The following AGPS variants were observed in gnomAD, a reference collection of about 807,000 sequenced individuals.
AGPS encodes alkyldihydroxyacetonephosphate synthase, peroxisomal.
Under a neutral mutation model 90.7 loss-of-function variants are expected in AGPS, and 26 were observed. That is an observed-to-expected ratio of 0.29 (90% CI 0.21 to 0.40). The LOEUF is 0.40. Ranked by LOEUF, AGPS falls within the 10% of genes least tolerant of loss-of-function variation. The pLI is 1.00. For missense variants in AGPS, 540 were observed against 816.1 expected, an observed-to-expected ratio of 0.66 and a Z score of 4.12; for synonymous variants, 294 against 285.3, an observed-to-expected ratio of 1.03 and a Z score of -0.31.
intron 8 of AGPS, among the ~76,000 whole-genome samples, chr2:177,458,092 A>G (rs1687172941): frequency 6.6e-6 from 1 of 152,224 alleles, no homozygotes; most frequent in Admixed American, 6.5e-5. Context: ...CACAAACCAC[A>G]TGATAATCTC....
chr2:177,486,077 G>C (rs982654908), intron 11 of AGPS, among the ~76,000 whole-genome samples: 2 of 152,168 alleles, frequency 1.3e-5, no homozygotes, highest in Non-Finnish European at 1.5e-5. Flanking sequence ...CTTAATAATT[G>C]ACAGTTTTTA....
chr2:177,527,176 C>T (rs1028825533), intron 19 of AGPS, among the ~76,000 whole-genome samples: 4 of 152,014 alleles, frequency 2.6e-5, no homozygotes, highest in African/African-American at 9.7e-5. Flanking sequence ...ACCTGTAATC[C>T]CAACACTTTG....
intron 1 of AGPS, among the ~76,000 whole-genome samples, chr2:177,413,669 C>T (rs1490278005): frequency 6.6e-6 from 1 of 152,200 alleles, no homozygotes; most frequent in Non-Finnish European, 1.5e-5. Context: ...TTTGCTATGA[C>T]AACCTCCTGA....
intron 3 of AGPS, 89 bp downstream of exon 3, chr2:177,434,506 G>T: frequency 1.0e-6 from 1 of 987,300 alleles, no homozygotes; most frequent in South Asian, 1.4e-5. Context: ...CATTATATTG[G>T]ATTTACTGCA....
In AGPS at chr2:177,540,481, C is replaced by A. The variant is rs1437756877; in HGVS notation, c.*2286C>A. 1 of 152,188 alleles carries A rather than the reference C, an allele frequency of 6.6e-6. No homozygotes were observed. The highest frequency in any genetic ancestry group is 1.9e-4 in the East Asian group (1 of 5,188). 9.4% of individuals were successfully genotyped at this position (152,188 alleles called of 1,614,324 possible). On this transcript the variant is annotated 3_prime_UTR_variant, in exon 20 of 20. Transcript: ENST00000264167. ...AGAAAGCCTCCCCCTACCCCCAGCC[C>A]CCACTTTCACATACCTTCTGGGAGG...
chr2:177,482,112 T>C lies in AGPS; in HGVS notation c.1159T>C (p.Tyr387His), dbSNP rs1340948281. The C allele has an allele frequency of 6.2e-7, 1 of 1,606,414 alleles. No individual in the cohort carries two copies. Among genetic ancestry groups the C allele is most frequent in the Non-Finnish European group, 8.5e-7 (1 of 1,175,092 alleles). ...ATIKIRPVPE[Y>H]QKYGSVAFPN... ...AATAAAAATCAGACCAGTCCCTGAA[T>C]ACCAAAAGTATGGCTCAGTAGCTTT... The change falls in exon 11 of 20, where the codon TAC becomes CAC. Residue 387 changes from tyrosine to histidine, a missense_variant. Coordinates refer to ENST00000264167, the MANE Select transcript of AGPS (RefSeq NM_003659.4).
intron 18 of AGPS, among the ~76,000 whole-genome samples, chr2:177,522,545 G>A (rs1322547386): frequency 6.6e-6 from 1 of 152,108 alleles, no homozygotes; most frequent in Non-Finnish European, 1.5e-5. Flanking sequence ...TGCCTCCCGG[G>A]TTCAAGCGAT....
At chr2:177,401,809 G>T (rs1166016390) in intron 1 of AGPS, among the ~76,000 whole-genome samples, 1 of 152,184 alleles carries the variant, frequency 6.6e-6, no homozygotes, top group African/African-American at 2.4e-5. Context: ...GCCTCCCAAA[G>T]TACTGGGATT....
At chr2:177,436,469 G>A (rs112587669) in intron 3 of AGPS, among the ~76,000 whole-genome samples, 5 of 152,164 alleles carry the variant, frequency 3.3e-5, no homozygotes, top group South Asian at 2.1e-4. Flanking sequence ...AAATTTTATC[G>A]ACAGGTATAA....
chr2:177,491,912 A>G (rs1688276452), intron 11 of AGPS, among the ~76,000 whole-genome samples: 1 of 151,848 alleles, frequency 6.6e-6, no homozygotes. Flanking sequence ...CAGCCTCCCA[A>G]GTAGCTGGGA....
At chr2:177,508,187 A>G (rs1211485140) in intron 16 of AGPS, among the ~76,000 whole-genome samples, 156 bp downstream of exon 16, 1 of 152,190 alleles carries the variant, frequency 6.6e-6, no homozygotes, top group African/African-American at 2.4e-5. Context: ...ATTCATCAGA[A>G]TGCCGTATTT....
intron 12 of AGPS, among the ~76,000 whole-genome samples, chr2:177,496,553 G>A (rs1666007935): frequency 6.6e-6 from 1 of 152,124 alleles, no homozygotes; most frequent in Non-Finnish European, 1.5e-5. Flanking sequence ...TTGCTAGGTT[G>A]ATCTCTATCT....
intron 17 of AGPS, among the ~76,000 whole-genome samples, chr2:177,516,827 G>A (rs752723908): frequency 1.3e-5 from 2 of 151,996 alleles, no homozygotes; most frequent in African/African-American, 4.8e-5. Flanking sequence ...TTTGAATTTG[G>A]TTATTCCTAA....
In AGPS at chr2:177,538,506, TTCC is replaced by T; in HGVS notation, c.*314_*316del. 1 of 366,450 alleles carries T rather than the reference TTCC, an allele frequency of 2.7e-6. No homozygotes were observed. Among genetic ancestry groups the T allele is most frequent in the South Asian group, 2.5e-5 (1 of 40,378 alleles). The allele number at this position is 366,450 out of a possible 1,614,324, so 22.7% of individuals were successfully genotyped here. ...GCTGCCAGCTGTTTTGTATTGTTGC[TTCC>T]TCTTGGGGAACAAAGACAGATTTGG... On this transcript the variant is annotated 3_prime_UTR_variant, in exon 20 of 20. Transcript: ENST00000264167.
intron 18 of AGPS, 84 bp downstream of exon 18, chr2:177,521,452 G>A (rs1459892634): frequency 1.7e-6 from 2 of 1,157,258 alleles, no homozygotes; most frequent in Non-Finnish European, 2.6e-6. Flanking sequence ...ATTTTAAGTT[G>A]AGTCTCTTTA....
intron 2 of AGPS, among the ~76,000 whole-genome samples, chr2:177,422,106 G>A (rs1313681280): frequency 6.6e-6 from 1 of 152,028 alleles, no homozygotes; most frequent in Non-Finnish European, 1.5e-5. Context: ...TGGGTGTTCT[G>A]GCACTTGATT....
Position 177,393,151 on chromosome 2 carries a change from C to A in AGPS, c.260+102C>A, listed in dbSNP as rs1167373523. The A allele has an allele frequency of 5.2e-6, 8 of 1,548,112 alleles. No individual in the cohort carries two copies. In the South Asian group the frequency reaches 9.6e-5, roughly 19 times the overall value. ...TGGGAAGGGAAGTGACACGGGTGGG[C>A]GGAAGGCATCCCGGTCCCTGAAAGT... On this transcript the variant is annotated intron_variant, in intron 1 of 19. Coordinates refer to ENST00000264167, the MANE Select transcript of AGPS (RefSeq NM_003659.4).
Position 177,538,329 on chromosome 2 carries a change from C to A in AGPS, c.*134C>A. On this transcript the variant is annotated 3_prime_UTR_variant, in exon 20 of 20. Transcript: ENST00000264167. The stretch of plus-strand genomic sequence containing the variant: ...CTTTGGTTTAAAATAAGTTTGTTTT[C>A]ATTCTGTAGTTTGTTTTGTTTCTAC... 1 of 993,898 alleles carries A rather than the reference C, an allele frequency of 1.0e-6. No individual in the cohort carries two copies. The highest frequency in any genetic ancestry group is 1.5e-6 in the Non-Finnish European group (1 of 675,724). The allele number at this position is 993,898 out of a possible 1,614,324, so 61.6% of individuals were successfully genotyped here.
At chr2:177,519,092 C>T (rs1689105482) in intron 17 of AGPS, among the ~76,000 whole-genome samples, 1 of 152,084 alleles carries the variant, frequency 6.6e-6, no homozygotes, top group African/African-American at 2.4e-5. Flanking sequence ...TTGGTTTCTT[C>T]CTCAAGTTCT....
Sources: allele counts gnomAD v4.1 joint callset (sites outside exome capture counted in the v4.1 genomes callset), GRCh38; gene constraint gnomAD v4.1.1; transcripts MANE v1.5; gene names NCBI Gene and HGNC (gene_info 2026-07-23, HGNC 2026-07-21).